The following LCMT1 variants were observed in gnomAD, a reference collection of about 807,000 sequenced individuals.
LCMT1 encodes the protein leucine carboxyl methyltransferase 1, also known as [Phosphatase 2A protein]-leucine-carboxy methyltransferase 1.
A neutral mutation model predicts 47.7 loss-of-function variants in LCMT1; 32 were observed. That is an observed-to-expected ratio of 0.67 (90% CI 0.51 to 0.90). The LOEUF is 0.90. Among genes scored for constraint, LCMT1 ranks in the 40% least tolerant of loss-of-function variants. The pLI, the probability that LCMT1 is intolerant of heterozygous loss-of-function variation, is 0.00. For missense variants in LCMT1, 375 were observed against 415.2 expected (o/e 0.90, Z 0.84); for synonymous variants, 152 against 149.7 (o/e 1.02, Z -0.11).
At chr16:25,130,764 A>T (rs950471064) in intron 2 of LCMT1, among the ~76,000 whole-genome samples, 2 of 152,240 alleles carry the variant, frequency 1.3e-5, no homozygotes, top group African/African-American at 2.4e-5. Flanking sequence ...GTTCCAGAAC[A>T]TAGCTAGAAT....
At chr16:25,112,030 C>T (rs1567303263) in intron 1 of LCMT1, 34 bp downstream of exon 1, 1 of 1,472,732 alleles carries the variant, frequency 6.8e-7, no homozygotes, top group Non-Finnish European at 9.5e-7. Flanking sequence ...GGGCCGGCAT[C>T]TGGGGCGCGG....
chr16:25,120,128 C>T (rs184288576), intron 1 of LCMT1, among the ~76,000 whole-genome samples: 28 of 151,756 alleles, frequency 1.8e-4, no homozygotes, highest in African/African-American at 6.5e-4. Flanking sequence ...CCACTGCACT[C>T]CAGCCTGGGC....
rs935708076 is a variant in LCMT1 at position 25,164,457 on chromosome 16, C to G, written c.570-141C>G. The G allele has an allele frequency of 9.4e-6, 8 of 852,404 alleles. No individual in the cohort carries two copies. In the Admixed American group the frequency reaches 2.0e-4, roughly 21 times the overall value. The allele number at this position is 852,404 out of a possible 1,614,324, so 52.8% of individuals were successfully genotyped here. A position where few individuals can be genotyped will look rare whatever the true frequency, so the allele number is the denominator to read the frequency against. ...GACGGTATTCCACATGTATTCCTGTCCTGACTGGGGCTGTGCTTGCTCAGG... is the reference window on the plus strand; with the variant it reads ...GACGGTATTCCACATGTATTCCTGTGCTGACTGGGGCTGTGCTTGCTCAGG... On this transcript the variant is annotated intron_variant, in intron 6 of 10. Coordinates refer to ENST00000399069, the MANE Select transcript of LCMT1 (RefSeq NM_016309.3).
chr16:25,135,210 T>C (rs1243903831), intron 3 of LCMT1, among the ~76,000 whole-genome samples: 2 of 152,126 alleles, frequency 1.3e-5, no homozygotes, highest in Non-Finnish European at 2.9e-5. Flanking sequence ...GAAAGTTCTT[T>C]GTGGAAATGT....
chr16:25,123,801 G>GT (rs202113170), intron 1 of LCMT1, among the ~76,000 whole-genome samples: 2,089 of 151,568 alleles, frequency 0.014, 44 homozygotes, highest in African/African-American at 0.048. Context: ...TAGAGACGGA[G>GT]TTTCACCATG....
chr16:25,176,409 C>T (rs1292763698), intron 10 of LCMT1, among the ~76,000 whole-genome samples: 1 of 152,094 alleles, frequency 6.6e-6, no homozygotes, highest in African/African-American at 2.4e-5. Flanking sequence ...ATTCCCTATG[C>T]AAAAATTCCA....
At chr16:25,129,048 A>G (rs903666943) in intron 2 of LCMT1, among the ~76,000 whole-genome samples, 10 of 147,788 alleles carry the variant, frequency 6.8e-5, no homozygotes, top group Non-Finnish European at 1.2e-4. Context: ...TCACTGTTCA[A>G]CTCCCATTTA....
Position 25,119,024 on chromosome 16 carries a change from G to A in LCMT1, c.113+7028G>A, listed in dbSNP as rs188851357. ...TGTTAGGAGCAGACTGCAGAGTTAAGGACGGAGGCAGGATCAGTTAGTCGG... is the reference window on the plus strand; with the variant it reads ...TGTTAGGAGCAGACTGCAGAGTTAAAGACGGAGGCAGGATCAGTTAGTCGG... On this transcript the variant is annotated intron_variant, in intron 1 of 10. Transcript: ENST00000399069. Among the ~76,000 whole-genome samples, 391 of 152,284 alleles carry A rather than the reference G, an allele frequency of 2.6e-3. 2 individuals carry two copies. The highest frequency in any genetic ancestry group is 9.2e-3 in the African/African-American group (381 of 41,562).
rs36066156 is a variant in LCMT1, at chr16:25,157,150, T to TTGTG, written c.467-3934_467-3931dup. Among the ~76,000 whole-genome samples the TTGTG allele has an allele frequency of 4.8e-3, 725 of 149,954 alleles. 19 individuals carry two copies. Among genetic ancestry groups the TTGTG allele is most frequent in the East Asian group, 0.031 (159 of 5,090 alleles). On this transcript the variant is annotated intron_variant, in intron 5 of 10. Coordinates refer to ENST00000399069, the MANE Select transcript of LCMT1 (RefSeq NM_016309.3). ...TATTAGTCATATGATACACCAGCAC[T>TTGTG]TGTGTGTGTGTGTGTGTGTGTATGT...
In LCMT1 at chr16:25,119,976, C is replaced by T. The variant is rs146301814; in HGVS notation, c.113+7980C>T. Reference sequence around the variant, plus strand: ...GAGATGGAGACCATCCTGGCTAACACGGTGAAATCCCGTCTCTACTAAAAA... The same window carrying T: ...GAGATGGAGACCATCCTGGCTAACATGGTGAAATCCCGTCTCTACTAAAAA... On this transcript the variant is annotated intron_variant, in intron 1 of 10. Coordinates refer to ENST00000399069, the MANE Select transcript of LCMT1 (RefSeq NM_016309.3). 1.1e-3 allele frequency among the ~76,000 whole-genome samples: 174 copies of T among 151,864 alleles called. 1 individual carries two copies. The highest frequency in any genetic ancestry group is 4.1e-3 in the African/African-American group (168 of 41,428).
chr16:25,133,921 A>G (rs950782536), intron 3 of LCMT1, among the ~76,000 whole-genome samples: 21 of 151,618 alleles, frequency 1.4e-4, no homozygotes, highest in Non-Finnish European at 2.8e-4. Context: ...AATCCTAGCT[A>G]CATGGGAGGC....
At chr16:25,169,830 C>T (rs1007733315) in intron 8 of LCMT1, among the ~76,000 whole-genome samples, 1 of 152,070 alleles carries the variant, frequency 6.6e-6, no homozygotes, top group Non-Finnish European at 1.5e-5. Flanking sequence ...TGATATGTCC[C>T]TTAAACCTCT....
intron 1 of LCMT1, among the ~76,000 whole-genome samples, chr16:25,112,671 A>G (rs1959660154): frequency 1.3e-5 from 2 of 152,204 alleles, no homozygotes; most frequent in African/African-American, 2.4e-5. Context: ...TCGATGGTGG[A>G]AATACACCAA....
chr16:25,127,781 C>T (rs773080102), intron 1 of LCMT1, among the ~76,000 whole-genome samples: 4 of 152,196 alleles, frequency 2.6e-5, no homozygotes, highest in East Asian at 1.9e-4. Flanking sequence ...GCATGGCCTT[C>T]GGGATCCCGC....
intron 1 of LCMT1, among the ~76,000 whole-genome samples, chr16:25,127,842 C>T (rs1326509055): frequency 3.3e-5 from 5 of 151,596 alleles, no homozygotes; most frequent in Non-Finnish European, 7.4e-5. Flanking sequence ...CTCATGGTTG[C>T]AAGAAGGCTT....
intron 4 of LCMT1, among the ~76,000 whole-genome samples, chr16:25,150,574 C>T (rs1405237843): frequency 6.6e-6 from 1 of 151,892 alleles, no homozygotes; most frequent in Admixed American, 6.6e-5. Context: ...GAACTCCCGA[C>T]CTCAGGTGAT....
At chr16:25,148,407 A>G (rs1960943684) in intron 4 of LCMT1, among the ~76,000 whole-genome samples, 1 of 152,198 alleles carries the variant, frequency 6.6e-6, no homozygotes, top group South Asian at 2.1e-4. Flanking sequence ...CTGAACAGAC[A>G]GAGAAAAGCT....
chr16:25,153,214 C>T (rs1036432036), intron 5 of LCMT1, among the ~76,000 whole-genome samples: 4 of 152,366 alleles, frequency 2.6e-5, no homozygotes, highest in East Asian at 1.9e-4. Context: ...TACTTAACAG[C>T]CACAGCCCTT....
chr16:25,140,330 G>C, intron 4 of LCMT1, 83 bp downstream of exon 4: 1 of 1,083,388 alleles, frequency 9.2e-7, no homozygotes, highest in Non-Finnish European at 1.4e-6. Context: ...GAATGCCAGA[G>C]ACTTCACTTT....
Sources: allele counts gnomAD v4.1 joint callset (sites outside exome capture counted in the v4.1 genomes callset), GRCh38; gene constraint gnomAD v4.1.1; transcripts MANE v1.5; gene names NCBI Gene and HGNC (gene_info 2026-07-23, HGNC 2026-07-21).